Variants in RPL3 observed in about 807,000 individuals in gnomAD.
RPL3 encodes the protein ribosomal protein L3.
Under a neutral mutation model 46.0 loss-of-function variants are expected in RPL3, and 3 were observed. The observed-to-expected ratio is 0.07, with a 90% CI of 0.03 to 0.17. The LOEUF is 0.17. Among genes scored for constraint, RPL3 ranks in the 10% least tolerant of loss-of-function variants. RPL3 has a pLI of 1.00. For synonymous variants in RPL3, 224 were observed against 190.8 expected (o/e 1.17, Z -1.43); for missense variants, 387 against 532.7 (o/e 0.73, Z 2.69).
Position 39,314,842 on chromosome 22 carries a change from G to A in RPL3, c.693C>T (p.Val231=). The A allele has an allele frequency of 6.2e-7, 1 of 1,613,300 alleles. No individual in the cohort carries two copies. The highest frequency in any genetic ancestry group is 1.1e-5 in the South Asian group (1 of 91,042). Residue 231 remains valine (V), a synonymous_variant, in exon 6 of 10, where the codon GTC becomes GTT. Coordinates refer to ENST00000216146, the MANE Select transcript of RPL3 (RefSeq NM_000967.4). ...GCTTCTTGGTGTGCCAACGACTGGT[G>A]ACCCCTGGAATGGATACACATTACT... ...GVTKGKGYKG[V]TSRWHTKKLP... is the part of the protein sequence containing the mutation.
intron 4 of RPL3, 139 bp from the exon 5 acceptor site, chr22:39,315,694 C>T: frequency 1.0e-6 from 1 of 975,980 alleles, no homozygotes; most frequent in South Asian, 1.7e-5. Context: ...TGAACCTCAC[C>T]AAGAGGAAGG....
intron 1 of RPL3, chr22:39,319,319 A>C: frequency 1.7e-6 from 1 of 585,026 alleles, no homozygotes; most frequent in South Asian, 2.0e-5. Flanking sequence ...GAAACTTAGA[A>C]ATGACTCATG....
intron 3 of RPL3, chr22:39,317,178 T>C: frequency 1.8e-6 from 1 of 566,492 alleles, no homozygotes; most frequent in Admixed American, 3.2e-5. Flanking sequence ...CTATAGGGGT[T>C]TAATTATTCT....
At chr22:39,316,494 C>T (rs763476864) in intron 4 of RPL3, among the ~76,000 whole-genome samples, 24 of 152,202 alleles carry the variant, frequency 1.6e-4, no homozygotes, top group Non-Finnish European at 7.3e-5. Flanking sequence ...ACCTCACAAC[C>T]GACTTTCAGG....
chr22:39,315,775 G>A (rs144079820), intron 4 of RPL3, among the ~76,000 whole-genome samples: 2 of 152,188 alleles, frequency 1.3e-5, no homozygotes, highest in African/African-American at 2.4e-5. Flanking sequence ...CAGGATGAGC[G>A]GACAAGACCC....
rs139662498 is a variant in RPL3 at position 39,314,946 on chromosome 22, G to C, written c.689-100C>G. ...CCAACCATGGCTGGGTCATCTGAGG[G>C]AGTGATAAGATTATTTCATGTGCAT... On this transcript the variant is annotated intron_variant, in intron 5 of 9. Transcript: ENST00000216146. 1.5e-4 allele frequency: 225 copies of C among 1,491,974 alleles called. 1 individual carries two copies. The Middle Eastern group carries it at 2.3e-3, about 16-fold the overall frequency. The allele number at this position is 1,491,974 out of a possible 1,614,324, so 92.4% of individuals were successfully genotyped here.
At chr22:39,314,965 T>C in intron 5 of RPL3, 119 bp from the exon 6 acceptor site, 11 of 1,394,014 alleles carry the variant, frequency 7.9e-6, no homozygotes, top group Non-Finnish European at 1.1e-5. Flanking sequence ...GATTATTTCA[T>C]GTGCATTACC....
chr22:39,315,946 A>C (rs1922661052), intron 4 of RPL3, among the ~76,000 whole-genome samples: 2 of 152,210 alleles, frequency 1.3e-5, no homozygotes, highest in South Asian at 4.1e-4. Flanking sequence ...AGCTCTAAGT[A>C]AGAAAATGCA....
intron 3 of RPL3, 118 bp from the exon 4 acceptor site, chr22:39,316,959 A>G: frequency 6.5e-7 from 1 of 1,538,462 alleles, no homozygotes; most frequent in Non-Finnish European, 9.0e-7. Context: ...GCCGGCTTCT[A>G]AGGAGCCTTT....
In RPL3 at chr22:39,313,172, G is replaced by A. The variant is rs752646015; in HGVS notation, c.1167+19C>T. Reference sequence around the variant, plus strand: ...CCAAGCCACCACACCCAGCGAGGGGGGCAGGCAGAGGTGCTCACCATGAAT... The same window carrying A: ...CCAAGCCACCACACCCAGCGAGGGGAGCAGGCAGAGGTGCTCACCATGAAT... On this transcript the variant is annotated intron_variant, in intron 9 of 9. Transcript: ENST00000216146. The A allele has an allele frequency of 1.2e-6, 2 of 1,606,080 alleles. No individual in the cohort carries two copies. The highest frequency in any genetic ancestry group is 1.1e-5 in the South Asian group (1 of 89,940).
intron 2 of RPL3, 21 bp downstream of exon 2, chr22:39,318,378 CT>C: frequency 6.2e-7 from 1 of 1,607,296 alleles, no homozygotes; most frequent in East Asian, 2.2e-5. Context: ...ATTCCCCCAA[CT>C]TTTAGGATGT....
intron 4 of RPL3, 59 bp from the exon 5 acceptor site, chr22:39,315,614 A>T (rs1206374322): frequency 4.4e-6 from 7 of 1,595,170 alleles, no homozygotes; most frequent in Non-Finnish European, 6.0e-6. Flanking sequence ...ACAGCAGAGG[A>T]ACTGCAGCTC....
rs767223357 is a variant in RPL3, at chr22:39,315,484, G to T, written c.573C>A (p.Ala191=). The T allele has an allele frequency of 1.2e-6, 2 of 1,614,064 alleles. No homozygotes were observed. Among genetic ancestry groups the T allele is most frequent in the Non-Finnish European group, 8.5e-7 (1 of 1,180,028 alleles). Residue 191 remains alanine (A), a synonymous_variant, in exon 5 of 10, where the codon GCC becomes GCA. Transcript: ENST00000216146. ...MEIQVNGGTV[A]EKLDWARERL... ...TCTCGCGGGCCCAGTCCAGCTTCTC[G>T]GCCACAGTGCCTCCGTTCACCTGGA... is the stretch of plus-strand genomic sequence containing the variant.
At chr22:39,318,037 G>C (rs1167194567) in intron 2 of RPL3, 1 of 350,362 alleles carries the variant, frequency 2.9e-6, no homozygotes, top group African/African-American at 2.1e-5. Context: ...ACACAGGTAA[G>C]TGGCCATTAT....
chr22:39,316,639 C>A lies in RPL3; in HGVS notation c.501+67G>T, dbSNP rs890611496. On this transcript the variant is annotated intron_variant, in intron 4 of 9. Transcript: ENST00000216146. ...TACCCATAAGCGTGCGGGCACGGGA[C>A]CCCCATGATCACATAGGTCACTTCT... 13 of 1,599,788 alleles carry A rather than the reference C, an allele frequency of 8.1e-6. No homozygotes were observed. In the African/African-American group the frequency reaches 1.3e-4, roughly 16 times the overall value.
At chr22:39,315,180 C>T (rs771317120) in intron 5 of RPL3, 189 bp downstream of exon 5, 1 of 910,690 alleles carries the variant, frequency 1.1e-6, no homozygotes, top group Non-Finnish European at 1.8e-6. Flanking sequence ...TGTCCCCTGG[C>T]CCTCCGCTAT....
chr22:39,318,370 TCC>T lies in RPL3; in HGVS notation c.196+28_196+29del, dbSNP rs769974427. ...AATTTCCCTCCCCCTCCACTCCTAT[TCC>T]CCCAACTTTTAGGATGTCTGTACAT... On this transcript the variant is annotated intron_variant, in intron 2 of 9. Transcript: ENST00000216146. The T allele has an allele frequency of 5.6e-6, 9 of 1,603,534 alleles. No individual in the cohort carries two copies. In the African/African-American group the frequency reaches 6.7e-5, roughly 12 times the overall value.
intron 1 of RPL3, 28 bp downstream of exon 1, chr22:39,319,567 A>G (rs1440653105): frequency 6.4e-7 from 1 of 1,563,638 alleles, no homozygotes; most frequent in African/African-American, 1.4e-5. Context: ...GCCGGTGACA[A>G]TGAAACGGCC....
chr22:39,313,781 G>C, intron 7 of RPL3, 52 bp from the exon 8 acceptor site: 1 of 1,529,584 alleles, frequency 6.5e-7, no homozygotes. Context: ...TTGTCGTGCA[G>C]ATGACCCCTC....
Sources: gnomAD v4.1 joint callset for allele counts (sites outside exome capture counted in the v4.1 genomes callset) on GRCh38, gnomAD v4.1.1 for gene constraint, MANE v1.5 for transcripts, NCBI Gene and HGNC (gene_info 2026-07-23, HGNC 2026-07-21) for gene names.